The following SDCCAG8 variants were observed in gnomAD, a reference collection of about 807,000 sequenced individuals.
SDCCAG8 encodes the protein SHH signaling and ciliogenesis regulator SDCCAG8.
SDCCAG8 carries 74 observed loss-of-function variants against 101.8 expected under a neutral mutation model. The observed-to-expected ratio is 0.73, with a 90% CI of 0.60 to 0.88. The LOEUF (loss-of-function observed/expected upper bound fraction) is 0.88. Ranked by LOEUF, SDCCAG8 falls within the 40% of genes least tolerant of loss-of-function variation. The pLI is 0.00. For missense variants in SDCCAG8, 787 were observed against 822.6 expected, an observed-to-expected ratio of 0.96 and a Z score of 0.53; for synonymous variants, 281 against 292.9, an observed-to-expected ratio of 0.96 and a Z score of 0.41.
intron 16 of SDCCAG8, among the ~76,000 whole-genome samples, chr1:243,472,743 CAGG>C (rs1661505084): frequency 6.6e-6 from 1 of 152,192 alleles, no homozygotes; most frequent in South Asian, 2.1e-4. Context: ...TGAACTCCAG[CAGG>C]AGAACAGGAC....
intron 12 of SDCCAG8, chr1:243,346,047 T>C (rs2075683836): frequency 6.5e-6 from 1 of 153,346 alleles, no homozygotes; most frequent in Non-Finnish European, 1.5e-5. Context: ...GTGATGTGCT[T>C]GTTACCATTT....
chr1:243,384,484 A>G (rs991975360), intron 13 of SDCCAG8, among the ~76,000 whole-genome samples: 4 of 152,186 alleles, frequency 2.6e-5, no homozygotes, highest in African/African-American at 9.7e-5. Flanking sequence ...GTGTAAATAT[A>G]TATGTTTAAG....
chr1:243,428,270 C>T (rs1334785738), intron 16 of SDCCAG8, among the ~76,000 whole-genome samples: 1 of 152,162 alleles, frequency 6.6e-6, no homozygotes, highest in East Asian at 1.9e-4. Flanking sequence ...TTCGTTCATT[C>T]AACATTGATT....
chr1:243,476,445 C>T, intron 16 of SDCCAG8: 1 of 812,810 alleles, frequency 1.2e-6, no homozygotes, highest in Non-Finnish European at 1.5e-6. Context: ...GCTAGTTTGA[C>T]TATCCCAAGA....
chr1:243,301,639 C>T (rs184606804), intron 6 of SDCCAG8, among the ~76,000 whole-genome samples: 223 of 152,188 alleles, frequency 1.5e-3, no homozygotes, highest in Non-Finnish European at 2.8e-3. Flanking sequence ...CGTGCCAACA[C>T]GCACAAAAAC....
chr1:243,362,999 A>C (rs1370093953), intron 12 of SDCCAG8, among the ~76,000 whole-genome samples: 1 of 152,080 alleles, frequency 6.6e-6, no homozygotes, highest in African/African-American at 2.4e-5. Flanking sequence ...AGCTTGTCCG[A>C]GCTCTCTTGG....
Position 243,284,105 on chromosome 1 carries a change from C to T in SDCCAG8, c.421-2167C>T, listed in dbSNP as rs564869664. 4.6e-5 allele frequency among the ~76,000 whole-genome samples: 7 copies of T among 152,296 alleles called. No individual in the cohort carries two copies. In the East Asian group the frequency reaches 1.4e-3, roughly 29 times the overall value. On this transcript the variant is annotated intron_variant, in intron 4 of 17. Coordinates refer to ENST00000366541, the MANE Select transcript of SDCCAG8 (RefSeq NM_006642.5). ...TTTAACATCTTTGCCTTATCTCAGA[C>T]TGTTTCTGATGCTTGTTAAATCTTT...
In SDCCAG8 at chr1:243,275,861, T is replaced by A. The variant is rs2068511843; in HGVS notation, c.420+1205T>A. On this transcript the variant is annotated intron_variant, in intron 4 of 17. Transcript: ENST00000366541. ...GAGAGAGATCTTGAACCAATGTTTT[T>A]TTTTTTTTTTTTTTTTTTTTTTTGA... Among the ~76,000 whole-genome samples the A allele has an allele frequency of 1.5e-5, 2 of 131,206 alleles. 1 individual carries two copies. The highest frequency in any genetic ancestry group is 1.5e-4 in the Admixed American group (2 of 13,344). 86.1% of individuals were successfully genotyped at this position (131,206 alleles called of 152,430 possible). A position where few individuals can be genotyped will look rare whatever the true frequency, so the allele number is the denominator to read the frequency against.
intron 5 of SDCCAG8, among the ~76,000 whole-genome samples, chr1:243,286,883 G>T (rs1489467511): frequency 6.6e-6 from 1 of 152,234 alleles, no homozygotes; most frequent in East Asian, 1.9e-4. Context: ...AGTAATTTTA[G>T]AAGGTTTTAC....
At chr1:243,285,640 T>C in intron 4 of SDCCAG8, among the ~76,000 whole-genome samples, 1 of 152,216 alleles carries the variant, frequency 6.6e-6, no homozygotes, top group East Asian at 1.9e-4. Flanking sequence ...TTCCAGAGAC[T>C]GAGGTGCCAC....
intron 6 of SDCCAG8, among the ~76,000 whole-genome samples, chr1:243,302,425 ACT>A (rs2071609544): frequency 6.6e-6 from 1 of 152,092 alleles, no homozygotes; most frequent in African/African-American, 2.4e-5. Context: ...GGATAGGCTA[ACT>A]CTACTGTTTC....
intron 12 of SDCCAG8, among the ~76,000 whole-genome samples, chr1:243,368,057 A>C (rs759949498): frequency 6.6e-6 from 1 of 151,878 alleles, no homozygotes; most frequent in Non-Finnish European, 1.5e-5. Context: ...CTACAAAAAA[A>C]ATACAGAAAT....
intron 13 of SDCCAG8, among the ~76,000 whole-genome samples, chr1:243,385,130 T>C (rs989240685): frequency 1.3e-5 from 2 of 152,188 alleles, no homozygotes; most frequent in African/African-American, 4.8e-5. Context: ...GGCTCACACC[T>C]GTAATCCCAG....
At chr1:243,354,747 A>G (rs943015766) in intron 12 of SDCCAG8, among the ~76,000 whole-genome samples, 1 of 152,248 alleles carries the variant, frequency 6.6e-6, no homozygotes, top group Non-Finnish European at 1.5e-5. Context: ...AAATGCAAGC[A>G]TGGAATGAAA....
chr1:243,478,215 C>T (rs1263394047), intron 16 of SDCCAG8, among the ~76,000 whole-genome samples: 4 of 152,228 alleles, frequency 2.6e-5, no homozygotes, highest in Admixed American at 6.5e-5. Flanking sequence ...AGAAGAATGT[C>T]GGGCGTTTCA....
At chr1:243,476,396 G>C (rs1416053205) in intron 16 of SDCCAG8, 1 of 976,848 alleles carries the variant, frequency 1.0e-6, no homozygotes, top group African/African-American at 1.8e-5. Flanking sequence ...TGGTTACTTA[G>C]CTGCTGTGGG....
At chr1:243,443,481 A>G (rs2082684127) in intron 16 of SDCCAG8, among the ~76,000 whole-genome samples, 1 of 152,152 alleles carries the variant, frequency 6.6e-6, no homozygotes, top group Non-Finnish European at 1.5e-5. Flanking sequence ...CACACACATA[A>G]TTGTGTGCCT....
chr1:243,489,186 C>A, intron 17 of SDCCAG8, 46 bp downstream of exon 17: 1 of 1,603,022 alleles, frequency 6.2e-7, no homozygotes, highest in Non-Finnish European at 8.5e-7. Context: ...GGGCGGGCGT[C>A]TACAGGTGGA....
chr1:243,468,191 A>G (rs527331770), intron 16 of SDCCAG8, among the ~76,000 whole-genome samples: 1 of 151,904 alleles, frequency 6.6e-6, no homozygotes, highest in Non-Finnish European at 1.5e-5. Context: ...AATGAGGATC[A>G]TAATATTATC....
Sources: allele counts gnomAD v4.1 joint callset (sites outside exome capture counted in the v4.1 genomes callset), GRCh38; gene constraint gnomAD v4.1.1; transcripts MANE v1.5; gene names NCBI Gene and HGNC (gene_info 2026-07-23, HGNC 2026-07-21).